TF: variants seen among roughly 807,000 people sequenced by gnomAD.
The protein encoded by TF is transferrin.
In TF, 55 loss-of-function variants were observed where a neutral mutation model predicts 82.4. That is an observed-to-expected ratio of 0.67 (90% confidence interval 0.54 to 0.84). TF has a LOEUF of 0.84. TF is among the 40% of genes least tolerant of loss of function. TF has a pLI of 0.00. For missense variants in TF, 737 were observed against 868.4 expected (o/e 0.85, Z 1.90); for synonymous variants, 332 against 332.6 (o/e 1.00, Z 0.02).
chr3:133,711,165 C>A, the TF span, among the ~76,000 whole-genome samples: 50 of 152,178 alleles, frequency 3.3e-4, 2 homozygotes, highest in Non-Finnish European at 1.6e-4. Context: ...CTCTTTTTCC[C>A]AATCTCAACG....
chr3:133,663,807 A>G, the TF span, among the ~76,000 whole-genome samples: 1 of 152,186 alleles, frequency 6.6e-6, no homozygotes, highest in African/African-American at 2.4e-5. Context: ...TGGGCCAAGT[A>G]GAGACCTCAC....
chr3:133,689,830 T>C, the TF span, among the ~76,000 whole-genome samples: 2 of 152,206 alleles, frequency 1.3e-5, no homozygotes, highest in African/African-American at 4.8e-5. Context: ...TAAATTTAGG[T>C]AAGATACAAG....
upstream of TF, among the ~76,000 whole-genome samples, chr3:133,742,313 C>G (rs1933407596): frequency 6.6e-6 from 1 of 152,146 alleles, no homozygotes; most frequent in Admixed American, 6.5e-5. Context: ...GGAATTCATT[C>G]CACCTGGCCC....
the TF span, among the ~76,000 whole-genome samples, chr3:133,698,725 A>G: frequency 1.3e-5 from 2 of 152,178 alleles, no homozygotes; most frequent in African/African-American, 4.8e-5. Context: ...CAAGGTCCCT[A>G]TTTCCAAATA....
rs910037525 is a variant in TF, at chr3:133,789,658, T to C, written c.*11038T>C. On this transcript the variant is annotated 3_prime_UTR_variant, in exon 17 of 17. Coordinates refer to ENST00000402696, the MANE Select transcript of TF (RefSeq NM_001063.4). ...AGCACTCATAAATTAAGTAAATAAG[T>C]CGAAGCAATTTTCAAGTTCACATGA... The C allele has an allele frequency of 2.0e-5, 3 of 152,254 alleles. No individual in the cohort carries two copies. The South Asian group carries it at 6.2e-4, about 31-fold the overall frequency. 9.4% of individuals were successfully genotyped at this position (152,254 alleles called of 1,614,324 possible).
chr3:133,718,918 AG>A, the TF span, among the ~76,000 whole-genome samples: 6 of 150,928 alleles, frequency 4.0e-5, no homozygotes, highest in African/African-American at 1.5e-4. Context: ...GGAAAGACAT[AG>A]GGTGGTGGAG....
chr3:133,691,130 A>T, the TF span, among the ~76,000 whole-genome samples: 1 of 152,208 alleles, frequency 6.6e-6, no homozygotes, highest in Non-Finnish European at 1.5e-5. Flanking sequence ...TTTAAATGTC[A>T]GTCAATAAAT....
chr3:133,663,663 G>A, the TF span, among the ~76,000 whole-genome samples: 1 of 152,048 alleles, frequency 6.6e-6, no homozygotes, highest in African/African-American at 2.4e-5. Flanking sequence ...TATGGAGATG[G>A]GGAAAGTGAA....
At chr3:133,725,419 T>C in the TF span, among the ~76,000 whole-genome samples, 58 of 152,252 alleles carry the variant, frequency 3.8e-4, no homozygotes, top group Non-Finnish European at 6.9e-4. Context: ...TTTGAAGCAA[T>C]TGTGAATGGG....
rs1425784640 is a variant in TF at position 133,775,423 on chromosome 3, C to T, written c.1688-10C>T. 1.9e-6 allele frequency: 3 copies of T among 1,614,192 alleles called. No individual in the cohort carries two copies. Among genetic ancestry groups the T allele is most frequent in the Non-Finnish European group, 2.5e-6 (3 of 1,180,026 alleles). On this transcript the variant is annotated splice_polypyrimidine_tract_variant and intron_variant, in intron 14 of 16. Transcript: ENST00000402696. ...AGCCATCAGCTGAACCACCTTCTTC[C>T]TGTCCCTAGGAAAAAACCCTGATCC...
chr3:133,736,890 G>A, the TF span, among the ~76,000 whole-genome samples: 1 of 152,030 alleles, frequency 6.6e-6, no homozygotes, highest in African/African-American at 2.4e-5. Flanking sequence ...ACACCCCACT[G>A]TCAATATAAG....
the TF span, among the ~76,000 whole-genome samples, chr3:133,674,903 G>A: frequency 2.0e-5 from 3 of 152,152 alleles, no homozygotes; most frequent in African/African-American, 7.2e-5. Flanking sequence ...TCTGCGGCTT[G>A]ATGTTGTATA....
chr3:133,693,726 G>T, the TF span, among the ~76,000 whole-genome samples: 1 of 152,196 alleles, frequency 6.6e-6, no homozygotes, highest in East Asian at 1.9e-4. Flanking sequence ...AACTACCACA[G>T]CCTCTGGATA....
At chr3:133,663,351 A>ATTTTTTTTTTTTTTTTTTTTTTTTTT in the TF span, among the ~76,000 whole-genome samples, 1 of 128,052 alleles carries the variant, frequency 7.8e-6, no homozygotes, top group African/African-American at 3.0e-5. Flanking sequence ...AATATCATTA[A>ATTTTTTTTTTTTTTTTTTTTTTTTTT]TTTTTTTTTT....
intron 7 of TF, 63 bp downstream of exon 7, chr3:133,757,072 C>G: frequency 6.2e-7 from 1 of 1,603,804 alleles, no homozygotes. Context: ...GGGGGTTTTC[C>G]TCCTGGCCAT....
the TF span, chr3:133,701,234 A>C: frequency 6.6e-6 from 1 of 152,180 alleles, no homozygotes; most frequent in Admixed American, 6.5e-5. Flanking sequence ...AAGTGGCTTT[A>C]ATGGCCTTCA....
intron 13 of TF, among the ~76,000 whole-genome samples, chr3:133,768,784 ATTTTTTTTTTTTTTT>A (rs5852766): frequency 1.2e-5 from 1 of 82,168 alleles, no homozygotes; most frequent in African/African-American, 5.1e-5. Flanking sequence ...GTACCTTGCT[ATTTTTTTTTTTTTTT>A]TTTTTTTTTT....
the TF span, among the ~76,000 whole-genome samples, chr3:133,711,929 C>T: frequency 5.3e-5 from 8 of 152,130 alleles, no homozygotes; most frequent in South Asian, 2.1e-4. Flanking sequence ...CTCCACCCCA[C>T]CCCAACACAG....
chr3:133,711,285 ATC>A, the TF span, among the ~76,000 whole-genome samples: 1 of 152,184 alleles, frequency 6.6e-6, no homozygotes, highest in East Asian at 1.9e-4. Flanking sequence ...CTTTTTATCT[ATC>A]TCTGTGTTGA....
Sources: allele counts gnomAD v4.1 joint callset (sites outside exome capture counted in the v4.1 genomes callset), GRCh38; gene constraint gnomAD v4.1.1; transcripts MANE v1.5; gene names NCBI Gene and HGNC (gene_info 2026-07-23, HGNC 2026-07-21).